SH3PXD2A: variants seen among roughly 807,000 people sequenced by gnomAD.
SH3PXD2A encodes the protein SH3 and PX domain-containing protein 2A.
SH3PXD2A carries 32 observed loss-of-function variants against 115.2 expected under a neutral mutation model. The ratio of observed to expected loss-of-function variants is 0.28; its 90% CI spans 0.21 to 0.37. SH3PXD2A has a LOEUF of 0.37. Ranked by LOEUF, SH3PXD2A falls within the 10% of genes least tolerant of loss-of-function variation. The probability of loss-of-function intolerance (pLI) is 1.00; values close to 1 mark genes in which losing one functional copy is unlikely to be tolerated. For missense variants in SH3PXD2A, 1,328 were observed against 1,498.7 expected, an observed-to-expected ratio of 0.89 and a Z score of 1.88; for synonymous variants, 610 against 629.1, an observed-to-expected ratio of 0.97 and a Z score of 0.45.
rs2036120305 is a variant in SH3PXD2A, at chr10:103,595,532, G to A, written c.*6284C>T. On this transcript the variant is annotated 3_prime_UTR_variant, in exon 15 of 15. Transcript: ENST00000369774. Reference sequence around the variant, plus strand: ...TCTCACTTGCCTCTAACGTGCTCGAGCCATCCTTTTGTTCTAAATAATTCT... The same window carrying A: ...TCTCACTTGCCTCTAACGTGCTCGAACCATCCTTTTGTTCTAAATAATTCT... 6.6e-6 allele frequency: 1 copy of A among 152,216 alleles called. No individual in the cohort carries two copies. The highest frequency in any genetic ancestry group is 1.5e-5 in the Non-Finnish European group (1 of 68,058). 9.4% of individuals were successfully genotyped at this position (152,216 alleles called of 1,614,324 possible). A position where few individuals can be genotyped will look rare whatever the true frequency, so the allele number is the denominator to read the frequency against.
At chr10:103,779,460 A>G (rs2038911952) in intron 2 of SH3PXD2A, among the ~76,000 whole-genome samples, 1 of 151,980 alleles carries the variant, frequency 6.6e-6, no homozygotes, top group South Asian at 2.1e-4. Flanking sequence ...GAGCTGGGGG[A>G]GCCTGGTGCT....
rs1477908828 is a variant in SH3PXD2A, at chr10:103,605,909, T to C, written c.1317A>G (p.Gln439=). ...PPRRESSLGF[Q]LPKPPEPPSV... is the part of the protein sequence containing the mutation. ...AAGGGGGCTCTGGTGGCTTTGGCAG[T>C]TGGAACCCCTAAGGTTAAGGAACAC... Residue 439 remains glutamine (Q), a synonymous_variant, in exon 14 of 15, where the codon CAA becomes CAG. Transcript: ENST00000369774. 1 of 1,614,044 alleles carries C rather than the reference T, an allele frequency of 6.2e-7. No homozygotes were observed. Among genetic ancestry groups the C allele is most frequent in the South Asian group, 1.1e-5 (1 of 91,054 alleles).
At chr10:103,664,662 T>TTC (rs201948159) in intron 7 of SH3PXD2A, among the ~76,000 whole-genome samples, 3,144 of 121,954 alleles carry the variant, frequency 0.026, 110 homozygotes, top group African/African-American at 0.098. Context: ...ATGGGTTTCT[T>TTC]TCTCTCTCTT....
At chr10:103,640,890 C>A (rs997521469) in intron 8 of SH3PXD2A, among the ~76,000 whole-genome samples, 1 of 152,012 alleles carries the variant, frequency 6.6e-6, no homozygotes, top group Non-Finnish European at 1.5e-5. Flanking sequence ...GCCCTTGTGT[C>A]CCTCATGATC....
At chr10:103,828,334 C>T (rs1237814809) in intron 1 of SH3PXD2A, among the ~76,000 whole-genome samples, 1 of 152,138 alleles carries the variant, frequency 6.6e-6, no homozygotes, top group Non-Finnish European at 1.5e-5. Flanking sequence ...GTCCAGTGAG[C>T]GATTTTACCA....
At chr10:103,767,495 G>A (rs544751551) in intron 2 of SH3PXD2A, among the ~76,000 whole-genome samples, 1 of 152,274 alleles carries the variant, frequency 6.6e-6, no homozygotes, top group South Asian at 2.1e-4. Flanking sequence ...GTTTCCAGAG[G>A]CTCCTTTGGG....
chr10:103,626,057 C>T (rs2036687113), intron 9 of SH3PXD2A, among the ~76,000 whole-genome samples: 2 of 152,244 alleles, frequency 1.3e-5, no homozygotes, highest in Admixed American at 1.3e-4. Context: ...CAGGGAGCAG[C>T]CCAGCCTGAA....
intron 8 of SH3PXD2A, among the ~76,000 whole-genome samples, chr10:103,652,599 G>A (rs760158743): frequency 9.2e-5 from 14 of 152,210 alleles, no homozygotes; most frequent in Non-Finnish European, 1.8e-4. Context: ...AATTCCCCAA[G>A]GTCCTGAAAA....
chr10:103,704,082 C>T (rs935764537), intron 5 of SH3PXD2A, among the ~76,000 whole-genome samples: 6 of 152,356 alleles, frequency 3.9e-5, no homozygotes, highest in Admixed American at 1.3e-4. Context: ...GATCCTCCAC[C>T]TGCTCCAGCT....
chr10:103,620,642 T>C lies in SH3PXD2A; in HGVS notation c.802+1828A>G, dbSNP rs1226271229. 5.3e-5 allele frequency among the ~76,000 whole-genome samples: 8 copies of C among 152,184 alleles called. No homozygotes were observed. The highest frequency in any genetic ancestry group is 1.9e-4 in the African/African-American group (8 of 41,442). On this transcript the variant is annotated intron_variant, in intron 10 of 14. Transcript: ENST00000369774. This position sits in a 1 kb window ranked among gnomAD's most constrained non-coding sequence, Gnocchi z 5.3. ...CGTCTCCAAGCCAACTCTCTGCAAGTTTTTCTTGGCTGCCTGGTTTAACTT... is the reference window on the plus strand; with the variant it reads ...CGTCTCCAAGCCAACTCTCTGCAAGCTTTTCTTGGCTGCCTGGTTTAACTT...
Position 103,600,294 on chromosome 10 carries a change from A to C in SH3PXD2A, c.*1522T>G, listed in dbSNP as rs1386860360. The C allele has an allele frequency of 6.6e-6, 1 of 152,642 alleles. No homozygotes were observed. The highest frequency in any genetic ancestry group is 1.5e-5 in the Non-Finnish European group (1 of 68,052). The allele number at this position is 152,642 out of a possible 1,614,324, so 9.5% of individuals were successfully genotyped here. On this transcript the variant is annotated 3_prime_UTR_variant, in exon 15 of 15. Transcript: ENST00000369774. ...AATTGAAAAACACAACCCAAAGGTGACAGAGGACCTACAGGGAACTTTATT... is the reference window on the plus strand; with the variant it reads ...AATTGAAAAACACAACCCAAAGGTGCCAGAGGACCTACAGGGAACTTTATT...
intron 1 of SH3PXD2A, among the ~76,000 whole-genome samples, chr10:103,824,981 T>G (rs1030881646): frequency 6.6e-6 from 1 of 152,218 alleles, no homozygotes; most frequent in African/African-American, 2.4e-5. Context: ...TTTTGTATTT[T>G]TGTAGAGATA....
intron 3 of SH3PXD2A, among the ~76,000 whole-genome samples, chr10:103,766,219 C>T (rs536663781): frequency 1.7e-4 from 26 of 152,306 alleles, no homozygotes; most frequent in African/African-American, 6.3e-4. Flanking sequence ...TGCTTCTTGC[C>T]AAGGTCTGAC....
chr10:103,776,426 G>A (rs1323197600), intron 2 of SH3PXD2A, among the ~76,000 whole-genome samples: 3 of 129,808 alleles, frequency 2.3e-5, no homozygotes, highest in South Asian at 2.6e-4. Flanking sequence ...GTGTGCATGC[G>A]TGTGTGTGTC....
intron 5 of SH3PXD2A, among the ~76,000 whole-genome samples, chr10:103,702,615 A>G (rs865963597): frequency 1.8e-4 from 3 of 16,776 alleles, no homozygotes; most frequent in African/African-American, 1.2e-3. Context: ...GTGTGTGTGC[A>G]TGCTGGGTGC....
chr10:103,785,659 C>T (rs941840163), intron 2 of SH3PXD2A, among the ~76,000 whole-genome samples: 10 of 152,040 alleles, frequency 6.6e-5, no homozygotes, highest in East Asian at 1.9e-4. Context: ...CGCGTCTGTA[C>T]GTGAGCCACT....
chr10:103,781,754 A>G (rs1008022506), intron 2 of SH3PXD2A, among the ~76,000 whole-genome samples: 10 of 152,202 alleles, frequency 6.6e-5, no homozygotes, highest in Non-Finnish European at 1.3e-4. Context: ...TTAGAATGCC[A>G]TGCTTTCCCC....
intron 2 of SH3PXD2A, among the ~76,000 whole-genome samples, chr10:103,795,173 G>C (rs1422502701): frequency 6.6e-6 from 1 of 152,126 alleles, no homozygotes; most frequent in Non-Finnish European, 1.5e-5. Context: ...TGCAACCAAG[G>C]AACTGAACAT....
intron 6 of SH3PXD2A, among the ~76,000 whole-genome samples, chr10:103,683,322 G>A (rs12218283): frequency 0.21 from 32,649 of 152,060 alleles, 3,837 homozygotes; most frequent in East Asian, 0.44. Flanking sequence ...AGACGACCCT[G>A]GGCAACACAG....
Sources: allele counts gnomAD v4.1 joint callset (sites outside exome capture counted in the v4.1 genomes callset), GRCh38; gene constraint gnomAD v4.1.1; non-coding constraint Gnocchi (gnomAD v3.1); transcripts MANE v1.5; gene names NCBI Gene and HGNC (gene_info 2026-07-23, HGNC 2026-07-21).